Variants in ATIC observed in about 807,000 individuals in gnomAD.
The protein encoded by ATIC is bifunctional purine biosynthesis protein ATIC.
In ATIC, 64 loss-of-function variants were observed where a neutral mutation model predicts 72.5. The observed-to-expected ratio is 0.88, with a 90% CI of 0.72 to 1.09. The LOEUF (loss-of-function observed/expected upper bound fraction) is 1.09. ATIC is among the 50% of genes least tolerant of loss of function. ATIC has a pLI of 0.00. For synonymous variants in ATIC, 281 were observed against 267.1 expected (o/e 1.05, Z -0.51); for missense variants, 787 against 732.4 (o/e 1.07, Z -0.86).
intron 12 of ATIC, among the ~76,000 whole-genome samples, chr2:215,339,162 C>T (rs548751293): frequency 6.6e-6 from 1 of 152,136 alleles, no homozygotes; most frequent in Non-Finnish European, 1.5e-5. Context: ...TCATGTCTTC[C>T]ATAATCTGAC....
At chr2:215,317,479 TCATG>T (rs2052722352) in intron 2 of ATIC, among the ~76,000 whole-genome samples, 1 of 152,148 alleles carries the variant, frequency 6.6e-6, no homozygotes, top group African/African-American at 2.4e-5. Context: ...TATGCCATCT[TCATG>T]TGTTGTTGTT....
At chr2:215,353,331 C>G (rs568675157), downstream of ATIC, among the ~76,000 whole-genome samples, 22 of 152,152 alleles carry the variant, frequency 1.4e-4, no homozygotes, top group African/African-American at 4.8e-4. Context: ...CAGTTTCTCC[C>G]CCATCACCCC....
At chr2:215,312,238 G>T (rs565579844) in intron 1 of ATIC, 77 bp downstream of exon 1, 10 of 1,442,380 alleles carry the variant, frequency 6.9e-6, no homozygotes, top group Non-Finnish European at 9.0e-6. Flanking sequence ...GGCGGCCGGC[G>T]GGACCCGGCA....
Position 215,349,761 on chromosome 2 carries a change from T to G in ATIC, c.*106T>G. The stretch of plus-strand genomic sequence containing the variant: ...AAATAAAACAGTATCTCTTAATCAC[T>G]GGATCCATAGTTTTTGGTAGTTGTG... On this transcript the variant is annotated 3_prime_UTR_variant, in exon 16 of 16. Coordinates refer to ENST00000236959, the MANE Select transcript of ATIC (RefSeq NM_004044.7). 6.3e-7 allele frequency: 1 copy of G among 1,587,108 alleles called. No individual in the cohort carries two copies. Among genetic ancestry groups the G allele is most frequent in the Non-Finnish European group, 8.6e-7 (1 of 1,157,212 alleles).
chr2:215,313,742 G>A (rs1392103243), intron 2 of ATIC, among the ~76,000 whole-genome samples: 2 of 152,142 alleles, frequency 1.3e-5, no homozygotes, highest in Non-Finnish European at 2.9e-5. Context: ...AGTTTAACAA[G>A]TTCAGATGGT....
intron 2 of ATIC, among the ~76,000 whole-genome samples, chr2:215,313,198 C>CT (rs1559264432): frequency 1.3e-5 from 2 of 152,234 alleles, no homozygotes; most frequent in African/African-American, 2.4e-5. Context: ...GGACACTAGT[C>CT]TTAGCCCCTT....
At chr2:215,318,759 C>G (rs1167769637) in intron 3 of ATIC, among the ~76,000 whole-genome samples, 1 of 152,172 alleles carries the variant, frequency 6.6e-6, no homozygotes, top group Non-Finnish European at 1.5e-5. Flanking sequence ...CATTGACTTA[C>G]AGAAACGCAT....
chr2:215,356,210 A>T, the ATIC span, among the ~76,000 whole-genome samples: 1 of 152,224 alleles, frequency 6.6e-6, no homozygotes, highest in Non-Finnish European at 1.5e-5. Context: ...TTTCAAAAAG[A>T]TGCTGATTAT....
rs374518196 is a variant in ATIC at position 215,326,035 on chromosome 2, C to T, written c.428C>T (p.Thr143Ile). The change falls in exon 6 of 16, where the codon ACA (threonine) becomes ATA (isoleucine). Residue 143 changes from threonine to isoleucine, a missense_variant. Physicochemically the swap from Thr to Ile is moderately conservative, Grantham distance 89 (BLOSUM62 -1). Coordinates refer to ENST00000236959, the MANE Select transcript of ATIC (RefSeq NM_004044.7). ...RAAAKNHARV[T>I]VVCEPEDYVV... ...GCAGCCAAAAACCACGCTCGAGTGA[C>T]AGTGGTGTGTGAACCAGAGGACTAT... 3 of 1,614,176 alleles carry T rather than the reference C, an allele frequency of 1.9e-6. No homozygotes were observed. The highest frequency in any genetic ancestry group is 1.1e-5 in the South Asian group (1 of 91,086).
intron 4 of ATIC, 132 bp downstream of exon 4, chr2:215,319,863 G>A: frequency 3.9e-6 from 3 of 772,648 alleles, no homozygotes; most frequent in Non-Finnish European, 6.6e-6. Context: ...TTGTATGTGT[G>A]TAAGCATTTT....
chr2:215,329,201 A>T (rs1354193688), intron 7 of ATIC, among the ~76,000 whole-genome samples: 1 of 152,114 alleles, frequency 6.6e-6, no homozygotes, highest in African/African-American at 2.4e-5. Context: ...GTTATATCTG[A>T]CCTATTTCCT....
chr2:215,319,589 A>T, intron 3 of ATIC, 76 bp from the exon 4 acceptor site: 1 of 1,053,806 alleles, frequency 9.5e-7, no homozygotes, highest in South Asian at 1.3e-5. Context: ...TTGATTGAAG[A>T]CACTATGTTG....
At chr2:215,343,576 T>C (rs1230892561) in intron 12 of ATIC, among the ~76,000 whole-genome samples, 3 of 152,226 alleles carry the variant, frequency 2.0e-5, no homozygotes, top group Non-Finnish European at 4.4e-5. Flanking sequence ...CCTCAGGTGG[T>C]CCACCCGCCT....
chr2:215,312,126 A>G lies in ATIC; in HGVS notation c.-17A>G, dbSNP rs1405855059. ...CGCTGCTGCCTCCCGCTCGCCCTGA[A>G]CCCAGTGCCTGCAGCCATGGCTCCC... On this transcript the variant is annotated 5_prime_UTR_variant, in exon 1 of 16. Coordinates refer to ENST00000236959, the MANE Select transcript of ATIC (RefSeq NM_004044.7). The G allele has an allele frequency of 6.5e-7, 1 of 1,528,454 alleles. No individual in the cohort carries two copies. The highest frequency in any genetic ancestry group is 8.7e-7 in the Non-Finnish European group (1 of 1,144,270). The allele number at this position is 1,528,454 out of a possible 1,614,324, so 94.7% of individuals were successfully genotyped here. A position where few individuals can be genotyped will look rare whatever the true frequency, so the allele number is the denominator to read the frequency against.
the ATIC span, among the ~76,000 whole-genome samples, chr2:215,355,846 C>T: frequency 1.3e-5 from 2 of 152,210 alleles, no homozygotes; most frequent in African/African-American, 4.8e-5. Context: ...GTCTTTGTGC[C>T]TCTTAGGATA....
chr2:215,367,773 G>A, the ATIC span: 2 of 1,276,714 alleles, frequency 1.6e-6, no homozygotes, highest in Middle Eastern at 1.9e-4. Context: ...AAGAACCTGT[G>A]TCTTCCAAAC....
chr2:215,326,951 A>C lies in ATIC; in HGVS notation c.661A>C (p.Thr221Pro). 6.2e-7 allele frequency: 1 copy of C among 1,614,148 alleles called. No individual in the cohort carries two copies. The highest frequency in any genetic ancestry group is 8.5e-7 in the Non-Finnish European group (1 of 1,180,026). ...ACATCAGACCCCTGCCCAGCTGTAC[A>C]CACTGCAGCCCAAGCTTCCCATCAC... ...NPHQTPAQLY[T>P]LQPKLPITVL... The change falls in exon 7 of 16, where the codon ACA becomes CCA. Residue 221 changes from threonine (T) to proline (P), a missense_variant. Coordinates refer to ENST00000236959, the MANE Select transcript of ATIC (RefSeq NM_004044.7).
intron 4 of ATIC, among the ~76,000 whole-genome samples, chr2:215,323,247 A>G (rs528670745): frequency 6.6e-6 from 1 of 152,122 alleles, no homozygotes; most frequent in South Asian, 2.1e-4. Context: ...GCCCGGCCCC[A>G]ACTTCGTTTT....
In ATIC at chr2:215,312,075, C is replaced by T. The variant is rs1426395289; in HGVS notation, c.-68C>T. 7.2e-6 allele frequency: 11 copies of T among 1,527,756 alleles called. No individual in the cohort carries two copies. The highest frequency in any genetic ancestry group is 3.9e-5 in the Admixed American group (2 of 50,706). 94.6% of individuals were successfully genotyped at this position (1,527,756 alleles called of 1,614,324 possible). A position where few individuals can be genotyped will look rare whatever the true frequency, so the allele number is the denominator to read the frequency against. ...TCCTGAGCCGCCACATCCCGGCAGC[C>T]CTCCTACCTGCGCACGTGGTGCCGC... On this transcript the variant is annotated 5_prime_UTR_variant, in exon 1 of 16. Transcript: ENST00000236959.
Sources: allele counts gnomAD v4.1 joint callset (sites outside exome capture counted in the v4.1 genomes callset), GRCh38; gene constraint gnomAD v4.1.1; transcripts MANE v1.5; gene names NCBI Gene and HGNC (gene_info 2026-07-23, HGNC 2026-07-21).